Variants in LPIN2 observed in about 807,000 individuals in gnomAD.
LPIN2 encodes the protein phosphatidate phosphatase LPIN2.
In LPIN2, 55 loss-of-function variants were observed where a neutral mutation model predicts 111.4. That is an observed-to-expected ratio of 0.49 (90% confidence interval 0.40 to 0.62). The LOEUF is 0.62. Ranked by LOEUF, LPIN2 falls within the 20% of genes least tolerant of loss-of-function variation. The pLI, the probability that LPIN2 is intolerant of heterozygous loss-of-function variation, is 0.00. For missense variants in LPIN2, 992 were observed against 1,112.1 expected (o/e 0.89, Z 1.54); for synonymous variants, 425 against 414.0 (o/e 1.03, Z -0.32).
intron 18 of LPIN2, 161 bp from the exon 19 acceptor site, chr18:2,921,042 TAA>T: frequency 1.5e-6 from 1 of 688,012 alleles, no homozygotes; most frequent in Non-Finnish European, 2.6e-6. Context: ...TAGACAAACC[TAA>T]ACTACAGAGT....
At chr18:2,983,702 A>T (rs953197128) in intron 1 of LPIN2, among the ~76,000 whole-genome samples, 14 of 152,218 alleles carry the variant, frequency 9.2e-5, no homozygotes, top group South Asian at 4.1e-4. Flanking sequence ...AAAAGAGAAT[A>T]AAAAAACTCA....
chr18:2,978,560 G>A (rs765088630), intron 1 of LPIN2, among the ~76,000 whole-genome samples: 12 of 152,218 alleles, frequency 7.9e-5, no homozygotes, highest in East Asian at 3.8e-4. Flanking sequence ...GAACTGTCAC[G>A]ATTGGAAGAG....
At chr18:2,985,613 CTTTG>C (rs1004402031) in intron 1 of LPIN2, among the ~76,000 whole-genome samples, 2 of 152,054 alleles carry the variant, frequency 1.3e-5, no homozygotes, top group Non-Finnish European at 2.9e-5. Flanking sequence ...TATATACCTT[CTTTG>C]TTTTTGTTTT....
chr18:3,001,561 T>G (rs1436166818), intron 1 of LPIN2, among the ~76,000 whole-genome samples: 1 of 152,050 alleles, frequency 6.6e-6, no homozygotes, highest in Non-Finnish European at 1.5e-5. Context: ...GAGGGTTATA[T>G]AAGAGATGAA....
chr18:2,977,375 A>G (rs1354327527), intron 1 of LPIN2, among the ~76,000 whole-genome samples: 1 of 152,194 alleles, frequency 6.6e-6, no homozygotes, highest in African/African-American at 2.4e-5. Context: ...TACCTGAGCT[A>G]GAAAACACAC....
chr18:2,982,614 G>T, intron 1 of LPIN2: 1 of 789,378 alleles, frequency 1.3e-6, no homozygotes, highest in Non-Finnish European at 1.9e-6. Context: ...TCTCAGTAGT[G>T]TCCAGATTGA....
At chr18:2,996,807 T>A (rs1464255195) in intron 1 of LPIN2, among the ~76,000 whole-genome samples, 1 of 152,050 alleles carries the variant, frequency 6.6e-6, no homozygotes, top group Non-Finnish European at 1.5e-5. Context: ...GAGTATCATA[T>A]ATATCCCAGA....
At position 2,925,391 on chromosome 18, in the gene LPIN2, C is replaced by T. The variant is rs964623789; in HGVS notation, c.1794-23G>A. ...GGCCTGTTCAACATTAGCCCAGTTA[C>T]GGAAGAGGCAGCAGGGCATTTTATT... On this transcript the variant is annotated intron_variant, in intron 13 of 19. Transcript: ENST00000677752. The surrounding 1 kb of genome is among the most constrained non-coding windows in gnomAD (Gnocchi z 4.1). 27 of 1,613,914 alleles carry T rather than the reference C, an allele frequency of 1.7e-5. No individual in the cohort carries two copies. Among genetic ancestry groups the T allele is most frequent in the South Asian group, 5.5e-5 (5 of 91,080 alleles).
At chr18:2,937,116 T>A (rs2077297579) in intron 7 of LPIN2, among the ~76,000 whole-genome samples, 1 of 152,182 alleles carries the variant, frequency 6.6e-6, no homozygotes, top group East Asian at 1.9e-4. Context: ...TGATTACAAC[T>A]CATTATTTGT....
intron 9 of LPIN2, among the ~76,000 whole-genome samples, chr18:2,930,812 T>C (rs1456444583): frequency 6.6e-6 from 1 of 152,152 alleles, no homozygotes; most frequent in Admixed American, 6.5e-5. Flanking sequence ...TCCTAATTTT[T>C]GCCAGAAAGA....
chr18:2,955,239 G>GT lies in LPIN2; in HGVS notation c.193-641dup, dbSNP rs2077591669. Among the ~76,000 whole-genome samples, 6 of 152,308 alleles carry GT rather than the reference G, an allele frequency of 3.9e-5. No homozygotes were observed. The South Asian group carries it at 1.2e-3, about 32-fold the overall frequency. On this transcript the variant is annotated intron_variant, in intron 2 of 19. Transcript: ENST00000677752. ...GCTGGGCAATTTATAAAGAAAAGAG[G>GT]TTTAACTGGCTCATGGTTCTGCAGG...
rs563189323 is a variant in LPIN2 at position 3,002,610 on chromosome 18, A to G, written c.-10+10477T>C. Reference sequence around the variant, plus strand: ...TTACATTTATAAACACATGTTGTGCATAACATTTGTATACAAGATTTCTAA... The same window carrying G: ...TTACATTTATAAACACATGTTGTGCGTAACATTTGTATACAAGATTTCTAA... On this transcript the variant is annotated intron_variant, in intron 1 of 19. Coordinates refer to ENST00000677752, the MANE Select transcript of LPIN2 (RefSeq NM_001375808.2). 3.3e-5 allele frequency among the ~76,000 whole-genome samples: 5 copies of G among 152,366 alleles called. No individual in the cohort carries two copies. The East Asian group carries it at 7.7e-4, about 23-fold the overall frequency.
chr18:2,994,784 G>C (rs995551085), intron 1 of LPIN2, among the ~76,000 whole-genome samples: 2 of 152,144 alleles, frequency 1.3e-5, no homozygotes, highest in Non-Finnish European at 2.9e-5. Flanking sequence ...GGTTATTTCT[G>C]AATGTCCCCG....
At position 2,923,870 on chromosome 18, in the gene LPIN2, A is replaced by G. The variant is rs2077092537; in HGVS notation, c.2088-9T>C. On this transcript the variant is annotated splice_polypyrimidine_tract_variant and intron_variant, in intron 15 of 19. Transcript: ENST00000677752. ...GTCCCAAAGCATCCGACCTAAGAAGACGGTAGAAACAGGAAAAGCTATCAG... is the reference window on the plus strand; with the variant it reads ...GTCCCAAAGCATCCGACCTAAGAAGGCGGTAGAAACAGGAAAAGCTATCAG... The G allele has an allele frequency of 6.2e-7, 1 of 1,611,886 alleles. No individual in the cohort carries two copies. Among genetic ancestry groups the G allele is most frequent in the Non-Finnish European group, 8.5e-7 (1 of 1,178,114 alleles).
At chr18:2,996,457 A>C (rs1225572389) in intron 1 of LPIN2, among the ~76,000 whole-genome samples, 1 of 145,798 alleles carries the variant, frequency 6.9e-6, no homozygotes, top group African/African-American at 2.5e-5. Flanking sequence ...CTTACCTCCC[A>C]GGAAAATATC....
In LPIN2 at chr18:2,997,998, C is replaced by A. The variant is rs766457214; in HGVS notation, c.-10+15089G>T. On this transcript the variant is annotated intron_variant, in intron 1 of 19. Transcript: ENST00000677752. The stretch of plus-strand genomic sequence containing the variant: ...GCAGAGTTTCCAGTGCCAGGCAGCT[C>A]CAGGCACCCTGTGCCTGTGTTCTGC... Among the ~76,000 whole-genome samples the A allele has an allele frequency of 1.2e-4, 19 of 152,366 alleles. No individual in the cohort carries two copies. In the Middle Eastern group the frequency reaches 0.017, roughly 136 times the overall value.
intron 4 of LPIN2, among the ~76,000 whole-genome samples, chr18:2,948,057 A>G (rs970122309): frequency 2.6e-5 from 4 of 151,888 alleles, no homozygotes; most frequent in African/African-American, 9.7e-5. Context: ...TTATTTCAGA[A>G]AACAACCTGA....
chr18:3,012,970 G>A (rs1344430676), intron 1 of LPIN2, 117 bp downstream of exon 1: 4 of 150,980 alleles, frequency 2.6e-5, no homozygotes, highest in Non-Finnish European at 5.9e-5. Context: ...CGCCCCGGAG[G>A]GTCCCGGCCT....
chr18:2,996,218 T>C (rs2078338448), intron 1 of LPIN2, among the ~76,000 whole-genome samples: 1 of 151,892 alleles, frequency 6.6e-6, no homozygotes. Context: ...TGCATGCCTG[T>C]AATCCCAGCT....
Sources: gnomAD v4.1 joint callset for allele counts (sites outside exome capture counted in the v4.1 genomes callset) on GRCh38, gnomAD v4.1.1 for gene constraint, Gnocchi (gnomAD v3.1) non-coding constraint, MANE v1.5 for transcripts, NCBI Gene and HGNC (gene_info 2026-07-23, HGNC 2026-07-21) for gene names.